The following KIRREL3 variants were observed in gnomAD, a reference collection of about 807,000 sequenced individuals.
KIRREL3 encodes the protein kin of IRRE-like protein 3.
KIRREL3 carries 36 observed loss-of-function variants against 89.7 expected under a neutral mutation model. The observed-to-expected ratio is 0.40, with a 90% confidence interval of 0.31 to 0.53. The LOEUF (loss-of-function observed/expected upper bound fraction) is 0.53. KIRREL3 is among the 20% of genes least tolerant of loss of function. The pLI is 0.49. For synonymous variants in KIRREL3, 445 were observed against 441.4 expected (o/e 1.01, Z -0.10); for missense variants, 864 against 1,056.6 (o/e 0.82, Z 2.53).
intron 1 of KIRREL3, among the ~76,000 whole-genome samples, chr11:126,975,075 G>A (rs189055995): frequency 1.2e-3 from 189 of 152,176 alleles, no homozygotes; most frequent in African/African-American, 3.8e-3. Flanking sequence ...TCTCCGAAGT[G>A]CTGGGATTAC....
Position 126,645,306 on chromosome 11 carries a change from G to T in KIRREL3, c.56-82394C>A, listed in dbSNP as rs915990452. Among the ~76,000 whole-genome samples the T allele has an allele frequency of 2.0e-5, 3 of 152,112 alleles. No individual in the cohort carries two copies. The highest frequency in any genetic ancestry group is 4.4e-5 in the Non-Finnish European group (3 of 68,020). ...TTCAGTTTTTATGAAGACCTCCAGCGTCTTCATGTGTGGTCCTCAAATCCT... is the reference window on the plus strand; with the variant it reads ...TTCAGTTTTTATGAAGACCTCCAGCTTCTTCATGTGTGGTCCTCAAATCCT... On this transcript the variant is annotated intron_variant, in intron 1 of 16. Transcript: ENST00000525144. This position sits in a 1 kb window ranked among gnomAD's most constrained non-coding sequence, Gnocchi z 4.9.
In KIRREL3 at chr11:126,883,087, T is replaced by C. The variant is rs1472200574; in HGVS notation, c.55+117368A>G. Among the ~76,000 whole-genome samples the C allele has an allele frequency of 2.6e-5, 4 of 152,238 alleles. No individual in the cohort carries two copies. Among genetic ancestry groups the C allele is most frequent in the Non-Finnish European group, 5.9e-5 (4 of 68,038 alleles). On this transcript the variant is annotated intron_variant, in intron 1 of 16. Transcript: ENST00000525144. The surrounding 1 kb of genome is among the most constrained non-coding windows in gnomAD (Gnocchi z 4.1). ...AAAGTAATACATCTCCTCGTTTAAG[T>C]GACAGCAGGTAGGGTTTGTTACTTT...
chr11:126,801,059 A>G (rs1951017343), intron 1 of KIRREL3, among the ~76,000 whole-genome samples: 1 of 152,138 alleles, frequency 6.6e-6, no homozygotes. Flanking sequence ...ATCCAATCCC[A>G]TTGGGCTTTC....
In KIRREL3 at chr11:126,528,910, G is replaced by A. The variant is rs1958851728; in HGVS notation, c.134-2223C>T. Among the ~76,000 whole-genome samples, 1 of 152,078 alleles carries A rather than the reference G, an allele frequency of 6.6e-6. No individual in the cohort carries two copies. Among genetic ancestry groups the A allele is most frequent in the Non-Finnish European group, 1.5e-5 (1 of 68,016 alleles). ...CTCTGGCTCCTTTTACTCTAATGAT[G>A]ATTTCACAGCTCATCCTTTTATCTC... On this transcript the variant is annotated intron_variant, in intron 2 of 16. Transcript: ENST00000525144. This position sits in a 1 kb window ranked among gnomAD's most constrained non-coding sequence, Gnocchi z 4.6.
At chr11:126,461,516 T>C (rs1404031498) in intron 6 of KIRREL3, among the ~76,000 whole-genome samples, 1 of 152,102 alleles carries the variant, frequency 6.6e-6, no homozygotes, top group African/African-American at 2.4e-5. Flanking sequence ...TGTCGGGGGT[T>C]GTAGGGGGGA....
rs945774082 is a variant in KIRREL3, at chr11:126,563,770, G to T, written c.56-858C>A. ...AAATTGGAGTCCATCTGCCTCACAA[G>T]AAGGCAAGCTTTCCTCTCTGGTATT... is the stretch of plus-strand genomic sequence containing the variant. On this transcript the variant is annotated intron_variant, in intron 1 of 16. Transcript: ENST00000525144. This position sits in a 1 kb window ranked among gnomAD's most constrained non-coding sequence, Gnocchi z 6.8. Among the ~76,000 whole-genome samples, 1 of 152,308 alleles carries T rather than the reference G, an allele frequency of 6.6e-6. No individual in the cohort carries two copies. The highest frequency in any genetic ancestry group is 2.4e-5 in the African/African-American group (1 of 41,562).
In KIRREL3 at chr11:126,983,472, TGA is replaced by T. The variant is rs975644845; in HGVS notation, c.55+16981_55+16982del. On this transcript the variant is annotated intron_variant, in intron 1 of 16. Coordinates refer to ENST00000525144, the MANE Select transcript of KIRREL3 (RefSeq NM_032531.4). The surrounding 1 kb of genome is among the most constrained non-coding windows in gnomAD (Gnocchi z 4.9). ...TGCAGATGTAATTAAGTTAAGGTCT[TGA>T]GAGAGAGAGATTTTCCTAAATTACC... Among the ~76,000 whole-genome samples, 1 of 152,244 alleles carries T rather than the reference TGA, an allele frequency of 6.6e-6. No individual in the cohort carries two copies. The highest frequency in any genetic ancestry group is 2.4e-5 in the African/African-American group (1 of 41,544).
intron 1 of KIRREL3, among the ~76,000 whole-genome samples, chr11:126,621,022 C>T (rs12360844): frequency 2.8e-4 from 42 of 152,030 alleles, no homozygotes; most frequent in African/African-American, 7.7e-4. Flanking sequence ...TGAGTGTAAG[C>T]GAATGCAAAG....
chr11:126,425,198 G>T (rs1954894443), intron 16 of KIRREL3, among the ~76,000 whole-genome samples, 175 bp from the exon 17 acceptor site: 1 of 152,166 alleles, frequency 6.6e-6, no homozygotes, highest in African/African-American at 2.4e-5. Context: ...AAGGTGCAGG[G>T]GAAGAAGGAC....
In KIRREL3 at chr11:126,627,836, T is replaced by C. The variant is rs1053145533; in HGVS notation, c.56-64924A>G. Among the ~76,000 whole-genome samples the C allele has an allele frequency of 4.6e-5, 7 of 152,162 alleles. No individual in the cohort carries two copies. The highest frequency in any genetic ancestry group is 3.9e-4 in the Admixed American group (6 of 15,290). ...GTGGAGGGCTTGGATCTGAGCACCA[T>C]GAGCCTCTCTCTCTCCCATGTGTAG... On this transcript the variant is annotated intron_variant, in intron 1 of 16. Coordinates refer to ENST00000525144, the MANE Select transcript of KIRREL3 (RefSeq NM_032531.4). The surrounding 1 kb of genome is among the most constrained non-coding windows in gnomAD (Gnocchi z 5.0).
chr11:126,928,794 C>T (rs937654380), intron 1 of KIRREL3, among the ~76,000 whole-genome samples: 10 of 151,914 alleles, frequency 6.6e-5, no homozygotes, highest in African/African-American at 1.9e-4. Context: ...GAAGAGGTCA[C>T]GAAGGAGAGG....
At chr11:126,603,464 ATGGGGGCCT>A (rs1172712750) in intron 1 of KIRREL3, among the ~76,000 whole-genome samples, 2 of 152,208 alleles carry the variant, frequency 1.3e-5, no homozygotes, top group Non-Finnish European at 2.9e-5. Flanking sequence ...CACCAAGGAT[ATGGGGGCCT>A]TGACTAAGCA....
intron 1 of KIRREL3, among the ~76,000 whole-genome samples, chr11:126,950,951 C>A (rs1948757694): frequency 6.6e-6 from 1 of 152,226 alleles, no homozygotes; most frequent in African/African-American, 2.4e-5. Flanking sequence ...AAAGAACTTA[C>A]TCAGAGGTAG....
intron 2 of KIRREL3, among the ~76,000 whole-genome samples, chr11:126,529,308 G>A (rs1210958683): frequency 6.6e-6 from 1 of 152,212 alleles, no homozygotes; most frequent in African/African-American, 2.4e-5. Flanking sequence ...AGGCAACGCT[G>A]GGAAGGGGGA....
At position 126,523,000 on chromosome 11, in the gene KIRREL3, C is replaced by A. The variant is rs1285765101; in HGVS notation, c.284-1536G>T. On this transcript the variant is annotated intron_variant, in intron 3 of 16. Transcript: ENST00000525144. This position sits in a 1 kb window ranked among gnomAD's most constrained non-coding sequence, Gnocchi z 6.0. ...GTGAGAGAGACAGAACAAAGACAGG[C>A]AGGGAGACCTGCAAGAGCTCGCCTC... is the stretch of plus-strand genomic sequence containing the variant. Among the ~76,000 whole-genome samples, 3 of 152,198 alleles carry A rather than the reference C, an allele frequency of 2.0e-5. No homozygotes were observed. The highest frequency in any genetic ancestry group is 2.9e-5 in the Non-Finnish European group (2 of 68,044).
Position 126,995,555 on chromosome 11 carries a change from T to C in KIRREL3, c.55+4900A>G, listed in dbSNP as rs1234904091. On this transcript the variant is annotated intron_variant, in intron 1 of 16. Coordinates refer to ENST00000525144, the MANE Select transcript of KIRREL3 (RefSeq NM_032531.4). This position sits in a 1 kb window ranked among gnomAD's most constrained non-coding sequence, Gnocchi z 6.5. ...TAGCCCCCTTAGCATCCCCCATCTA[T>C]ATCAAGACCATAAAACCAGTGCTTT... 6 of 341,838 alleles carry C rather than the reference T, an allele frequency of 1.8e-5. No homozygotes were observed. In the East Asian group the frequency reaches 4.6e-4, roughly 26 times the overall value. The allele number at this position is 341,838 out of a possible 1,614,324, so 21.2% of individuals were successfully genotyped here.
intron 1 of KIRREL3, among the ~76,000 whole-genome samples, chr11:126,956,434 G>C (rs946564673): frequency 2.0e-5 from 3 of 152,162 alleles, no homozygotes; most frequent in African/African-American, 7.2e-5. Context: ...CACATGTCTA[G>C]TCATTTTAAT....
rs748787262 is a variant in KIRREL3 at position 126,440,431 on chromosome 11, C to A, written c.1353+18G>T. 34 of 1,554,308 alleles carry A rather than the reference C, an allele frequency of 2.2e-5. No homozygotes were observed. Among genetic ancestry groups the A allele is most frequent in the Non-Finnish European group, 3.0e-5 (34 of 1,149,994 alleles). On this transcript the variant is annotated intron_variant, in intron 11 of 16. Transcript: ENST00000525144. ...GGCTGCTGGCCCGGCCCCCGCCCGC[C>A]GTCCCTGGAGCACTCACGATGCGGT...
At chr11:126,727,219 G>A (rs1008104578) in intron 1 of KIRREL3, among the ~76,000 whole-genome samples, 2 of 152,248 alleles carry the variant, frequency 1.3e-5, no homozygotes, top group Non-Finnish European at 1.5e-5. Context: ...GGCAGCTTCT[G>A]TGGCTATTCC....
Sources: allele counts gnomAD v4.1 joint callset (sites outside exome capture counted in the v4.1 genomes callset), GRCh38; gene constraint gnomAD v4.1.1; non-coding constraint Gnocchi (gnomAD v3.1); transcripts MANE v1.5; gene names NCBI Gene and HGNC (gene_info 2026-07-23, HGNC 2026-07-21).